Variants in AGAP1 observed in about 807,000 individuals in gnomAD.
AGAP1 encodes the protein arf-GAP with GTPase, ANK repeat and PH domain-containing protein 1.
AGAP1 carries 29 observed loss-of-function variants against 105.3 expected under a neutral mutation model. The observed-to-expected ratio is 0.28, with a 90% CI of 0.21 to 0.38. The LOEUF (loss-of-function observed/expected upper bound fraction) is 0.38. Ranked by LOEUF, AGAP1 falls within the 10% of genes least tolerant of loss-of-function variation. The pLI is 1.00. For missense variants in AGAP1, 998 were observed against 1,165.1 expected (o/e 0.86, Z 2.09); for synonymous variants, 509 against 485.9 (o/e 1.05, Z -0.63).
chr2:235,870,627 G>GA (rs559200016), intron 9 of AGAP1, among the ~76,000 whole-genome samples: 239 of 140,546 alleles, frequency 1.7e-3, no homozygotes, highest in South Asian at 5.9e-3. Flanking sequence ...ACTCCATCTG[G>GA]AAAAAAAAAA....
intron 1 of AGAP1, among the ~76,000 whole-genome samples, chr2:235,590,775 C>T (rs1197766560): frequency 3.2e-5 from 4 of 126,280 alleles, no homozygotes; most frequent in Non-Finnish European, 6.2e-5. Context: ...GGCTGGAGTG[C>T]AGTGGTGTGA....
At position 235,732,782 on chromosome 2, in the gene AGAP1, A is replaced by G. The variant is rs994306677; in HGVS notation, c.311-8181A>G. Reference sequence around the variant, plus strand: ...AAATCTAGGCTGTTGGGAGCCCGTGACCGCCCTGCTTCCTGTGGTGGGAGA... The same window carrying G: ...AAATCTAGGCTGTTGGGAGCCCGTGGCCGCCCTGCTTCCTGTGGTGGGAGA... On this transcript the variant is annotated intron_variant, in intron 3 of 17. Transcript: ENST00000304032. The surrounding 1 kb of genome is among the most constrained non-coding windows in gnomAD (Gnocchi z 4.8). Among the ~76,000 whole-genome samples, 1 of 152,096 alleles carries G rather than the reference A, an allele frequency of 6.6e-6. No homozygotes were observed. Among genetic ancestry groups the G allele is most frequent in the South Asian group, 2.1e-4 (1 of 4,826 alleles).
intron 9 of AGAP1, among the ~76,000 whole-genome samples, chr2:235,862,561 A>G (rs1432383475): frequency 6.6e-6 from 1 of 152,248 alleles, no homozygotes; most frequent in African/African-American, 2.4e-5. Context: ...ACCATGGGGT[A>G]GGGCAGTGCA....
chr2:235,971,123 A>G lies in AGAP1; in HGVS notation c.1645+2500A>G, dbSNP rs1303530557. On this transcript the variant is annotated intron_variant, in intron 13 of 17. Transcript: ENST00000304032. This position sits in a 1 kb window ranked among gnomAD's most constrained non-coding sequence, Gnocchi z 4.8. ...CTCTAATTAGGAGAGTCTGGTCTCTACGTCAGCGGCTATGACATCTTTCCA... is the reference window on the plus strand; with the variant it reads ...CTCTAATTAGGAGAGTCTGGTCTCTGCGTCAGCGGCTATGACATCTTTCCA... Among the ~76,000 whole-genome samples the G allele has an allele frequency of 6.6e-6, 1 of 152,234 alleles. No homozygotes were observed. Among genetic ancestry groups the G allele is most frequent in the Admixed American group, 6.5e-5 (1 of 15,288 alleles).
At position 235,701,204 on chromosome 2, in the gene AGAP1, C is replaced by A. The variant is rs943176215; in HGVS notation, c.164-7975C>A. 1.3e-5 allele frequency among the ~76,000 whole-genome samples: 2 copies of A among 151,712 alleles called. No individual in the cohort carries two copies. Among genetic ancestry groups the A allele is most frequent in the East Asian group, 1.9e-4 (1 of 5,180 alleles). On this transcript the variant is annotated intron_variant, in intron 1 of 17. Transcript: ENST00000304032. The surrounding 1 kb of genome is among the most constrained non-coding windows in gnomAD (Gnocchi z 4.1). ...ATGGGGGGGTGGAAATCACTATCCT[C>A]TAAGAAGTTACAAACCTGCAAATCC...
chr2:235,883,398 A>G lies in AGAP1; in HGVS notation c.1104A>G (p.Lys368=). ...CGTTGAATAAAGAGTGGAAAAAGAA[A>G]TATGTCACCCTGTGTGACAATGGCG... The part of the protein sequence containing the change: ...GKSLNKEWKK[K]YVTLCDNGVL... Residue 368 remains lysine, a synonymous_variant, in exon 10 of 18, where the codon AAA becomes AAG. Coordinates refer to ENST00000304032, the MANE Select transcript of AGAP1 (RefSeq NM_001037131.3). This position sits in a 1 kb window ranked among gnomAD's most constrained non-coding sequence, Gnocchi z 4.5. 1 of 1,614,200 alleles carries G rather than the reference A, an allele frequency of 6.2e-7. No individual in the cohort carries two copies.
At chr2:235,521,961 T>G (rs1042799997) in intron 1 of AGAP1, among the ~76,000 whole-genome samples, 1 of 152,150 alleles carries the variant, frequency 6.6e-6, no homozygotes, top group Non-Finnish European at 1.5e-5. Flanking sequence ...GCAATATACG[T>G]GAGTGCCTCT....
intron 6 of AGAP1, among the ~76,000 whole-genome samples, chr2:235,784,446 CTT>C (rs1167568285): frequency 1.3e-5 from 2 of 152,142 alleles, no homozygotes; most frequent in Non-Finnish European, 2.9e-5. Flanking sequence ...CTAATTAACA[CTT>C]AACATTATTA....
At position 235,864,023 on chromosome 2, in the gene AGAP1, A is replaced by T. The variant is rs540207327; in HGVS notation, c.1051-19322A>T. On this transcript the variant is annotated intron_variant, in intron 9 of 17. Transcript: ENST00000304032. The surrounding 1 kb of genome is among the most constrained non-coding windows in gnomAD (Gnocchi z 5.0). ...TTGTAAATATTTTCCATAGATATAA[A>T]AGTCGACTTCATAGCTTGCCTGGTG... Among the ~76,000 whole-genome samples, 106 of 152,304 alleles carry T rather than the reference A, an allele frequency of 7.0e-4. 1 individual carries two copies. The highest frequency in any genetic ancestry group is 2.2e-3 in the Admixed American group (33 of 15,304).
chr2:235,514,429 G>A (rs1264886535), intron 1 of AGAP1, among the ~76,000 whole-genome samples: 2 of 152,246 alleles, frequency 1.3e-5, no homozygotes, highest in African/African-American at 2.4e-5. Flanking sequence ...GCCCTTTGCC[G>A]TGGCCCTGCC....
chr2:236,118,729 C>T (rs983736034), intron 16 of AGAP1, among the ~76,000 whole-genome samples: 2 of 152,192 alleles, frequency 1.3e-5, no homozygotes, highest in African/African-American at 2.4e-5. Flanking sequence ...AGGCAGGGAG[C>T]ACTTCCCTGG....
intron 15 of AGAP1, 28 bp from the exon 16 acceptor site, chr2:236,049,031 G>A (rs3738991): frequency 0.01 from 16,038 of 1,595,604 alleles, 680 homozygotes; most frequent in Admixed American, 0.088. Flanking sequence ...GTCTGATTGC[G>A]TTTAGCGTTC....
rs1357434584 is a variant in AGAP1, at chr2:236,009,785, T to C, written c.1646-26776T>C. On this transcript the variant is annotated intron_variant, in intron 13 of 17. Transcript: ENST00000304032. The surrounding 1 kb of genome is among the most constrained non-coding windows in gnomAD (Gnocchi z 4.2). ...CGGTTCACGCCAAGGATGTAATTCATGCACACTTGGACGTCCAACATGGCT... is the reference window on the plus strand; with the variant it reads ...CGGTTCACGCCAAGGATGTAATTCACGCACACTTGGACGTCCAACATGGCT... Among the ~76,000 whole-genome samples the C allele has an allele frequency of 2.0e-5, 3 of 152,214 alleles. No homozygotes were observed. The highest frequency in any genetic ancestry group is 4.1e-4 in the South Asian group (2 of 4,830).
rs770185704 is a variant in AGAP1, at chr2:235,553,829, C to T, written c.163+58980C>T. ...GAGCAACTGACGTCGTATTTCCACC[C>T]GACAATGGCTTGATTCACTTGATAA... On this transcript the variant is annotated intron_variant, in intron 1 of 17. Coordinates refer to ENST00000304032, the MANE Select transcript of AGAP1 (RefSeq NM_001037131.3). This position sits in a 1 kb window ranked among gnomAD's most constrained non-coding sequence, Gnocchi z 4.5. Among the ~76,000 whole-genome samples the T allele has an allele frequency of 2.2e-4, 34 of 152,206 alleles. No homozygotes were observed. The highest frequency in any genetic ancestry group is 6.5e-4 in the African/African-American group (27 of 41,466).
chr2:235,852,152 A>G (rs2106456573), intron 9 of AGAP1, among the ~76,000 whole-genome samples: 1 of 152,246 alleles, frequency 6.6e-6, no homozygotes, highest in Non-Finnish European at 1.5e-5. Flanking sequence ...CTGAGTGCTC[A>G]TTTTTCCCCC....
At chr2:236,075,369 C>T (rs1405505940) in intron 16 of AGAP1, among the ~76,000 whole-genome samples, 1 of 152,032 alleles carries the variant, frequency 6.6e-6, no homozygotes, top group Non-Finnish European at 1.5e-5. Flanking sequence ...CTGCCCATCC[C>T]CACCCCCAAG....
At position 236,000,861 on chromosome 2, in the gene AGAP1, C is replaced by T. The variant is rs2056089350; in HGVS notation, c.1645+32238C>T. 6.6e-6 allele frequency among the ~76,000 whole-genome samples: 1 copy of T among 152,108 alleles called. No individual in the cohort carries two copies. The highest frequency in any genetic ancestry group is 1.5e-5 in the Non-Finnish European group (1 of 68,028). ...AGGGTCTTCCAGGCACAGAGAGTGGCTGATGAGAAAGGGCCTGTGTGGAAG... is the reference window on the plus strand; with the variant it reads ...AGGGTCTTCCAGGCACAGAGAGTGGTTGATGAGAAAGGGCCTGTGTGGAAG... On this transcript the variant is annotated intron_variant, in intron 13 of 17. Transcript: ENST00000304032. This position sits in a 1 kb window ranked among gnomAD's most constrained non-coding sequence, Gnocchi z 4.3.
chr2:236,091,944 G>C (rs1170350859), intron 16 of AGAP1, among the ~76,000 whole-genome samples: 1 of 152,158 alleles, frequency 6.6e-6, no homozygotes, highest in Non-Finnish European at 1.5e-5. Flanking sequence ...CAGTGAAAAG[G>C]AATGAATTCT....
intron 13 of AGAP1, among the ~76,000 whole-genome samples, chr2:236,011,205 C>T (rs986582196): frequency 6.6e-5 from 10 of 152,350 alleles, no homozygotes; most frequent in African/African-American, 2.4e-4. Context: ...TCACGGTTCA[C>T]GTTTTGGCAC....
Sources: gnomAD v4.1 joint callset for allele counts (sites outside exome capture counted in the v4.1 genomes callset) on GRCh38, gnomAD v4.1.1 for gene constraint, Gnocchi (gnomAD v3.1) non-coding constraint, MANE v1.5 for transcripts, NCBI Gene and HGNC (gene_info 2026-07-23, HGNC 2026-07-21) for gene names.